PSIP1: variants seen among roughly 807,000 people sequenced by gnomAD.
PSIP1 encodes the protein PC4 and SRSF1 interacting protein 1, also known as PC4 and SFRS1-interacting protein.
A neutral mutation model predicts 74.7 loss-of-function variants in PSIP1; 19 were observed. That is an observed-to-expected ratio of 0.25 (90% confidence interval 0.18 to 0.37). The LOEUF (loss-of-function observed/expected upper bound fraction) is 0.37, where lower values mean the gene tolerates loss of function less well. PSIP1 is among the 10% of genes least tolerant of loss of function. The probability of loss-of-function intolerance (pLI) is 1.00; values close to 1 mark genes in which losing one functional copy is unlikely to be tolerated. For synonymous variants in PSIP1, 222 were observed against 195.3 expected (o/e 1.14, Z -1.14); for missense variants, 601 against 614.3 (o/e 0.98, Z 0.23).
In PSIP1 at chr9:15,464,950, C is replaced by T; in HGVS notation, c.*570G>A. 1 of 215,836 alleles carries T rather than the reference C, an allele frequency of 4.6e-6. No individual in the cohort carries two copies. Among genetic ancestry groups the T allele is most frequent in the Non-Finnish European group, 9.4e-6 (1 of 106,898 alleles). 13.4% of individuals were successfully genotyped at this position (215,836 alleles called of 1,614,324 possible). Reference sequence around the variant, plus strand: ...ATACCAAAAAAAACCATACAGAGCACACATTGTTCCAAAGAAGCTGGATAA... The same window carrying T: ...ATACCAAAAAAAACCATACAGAGCATACATTGTTCCAAAGAAGCTGGATAA... On this transcript the variant is annotated 3_prime_UTR_variant, in exon 16 of 16. Coordinates refer to ENST00000380733, the MANE Select transcript of PSIP1 (RefSeq NM_033222.5).
chr9:15,476,434 C>T, intron 8 of PSIP1, among the ~76,000 whole-genome samples: 1 of 152,110 alleles, frequency 6.6e-6, no homozygotes, highest in Admixed American at 6.6e-5. Context: ...AAATAGAATA[C>T]TGGTAGCGTG....
intron 12 of PSIP1, 86 bp from the exon 13 acceptor site, chr9:15,469,144 G>A (rs2035740110): frequency 1.5e-5 from 20 of 1,373,126 alleles, no homozygotes; most frequent in Non-Finnish European, 2.0e-5. Context: ...CAAAAAAAAA[G>A]AGGTAGTGCA....
chr9:15,471,318 A>G (rs1233729903), intron 10 of PSIP1: 2 of 1,566,198 alleles, frequency 1.3e-6, no homozygotes, highest in Non-Finnish European at 1.8e-6. Context: ...AAAACTGTCC[A>G]AGTACAAAGT....
At chr9:15,471,719 G>A in intron 10 of PSIP1, 20 of 964,758 alleles carry the variant, frequency 2.1e-5, no homozygotes, top group South Asian at 4.8e-5. Flanking sequence ...AGAGTAAAAC[G>A]CTGTACTTGT....
intron 3 of PSIP1, among the ~76,000 whole-genome samples, chr9:15,494,316 C>T (rs1424086303): frequency 1.3e-5 from 2 of 152,022 alleles, no homozygotes; most frequent in Admixed American, 1.3e-4. Flanking sequence ...CCTATAATCC[C>T]AGCACTTGGG....
At chr9:15,471,408 T>C (rs2035824032) in intron 10 of PSIP1, 5 of 1,493,584 alleles carry the variant, frequency 3.3e-6, no homozygotes, top group Non-Finnish European at 4.5e-6. Context: ...CAAAAGAAAC[T>C]GAAATACATA....
At chr9:15,496,225 T>C (rs934207790) in intron 3 of PSIP1, among the ~76,000 whole-genome samples, 2 of 152,192 alleles carry the variant, frequency 1.3e-5, no homozygotes, top group Non-Finnish European at 2.9e-5. Flanking sequence ...ATTTTAACCA[T>C]GTTGTTAGTG....
chr9:15,496,718 C>T (rs187271260), intron 3 of PSIP1, among the ~76,000 whole-genome samples: 1 of 152,028 alleles, frequency 6.6e-6, no homozygotes, highest in Admixed American at 6.6e-5. Context: ...CTTAATATAC[C>T]AAAAATTAAA....
intron 8 of PSIP1, among the ~76,000 whole-genome samples, chr9:15,476,179 CATGA>C (rs1292811335): frequency 6.6e-6 from 1 of 152,148 alleles, no homozygotes; most frequent in Non-Finnish European, 1.5e-5. Context: ...CTACGCACAG[CATGA>C]ATAAGAAATA....
chr9:15,508,496 T>C (rs1290122525), intron 2 of PSIP1, among the ~76,000 whole-genome samples: 1 of 152,238 alleles, frequency 6.6e-6, no homozygotes, highest in African/African-American at 2.4e-5. Flanking sequence ...TCAGTAGCAC[T>C]CTTAGTCACT....
Position 15,510,212 on chromosome 9 carries a change from C to G in PSIP1, c.-24G>C. ...ATGTTTCGGGGGCGAGACCGGGGGT[C>G]CGAAGCCCGGGAGGCGGCGAGGAGA... is the stretch of plus-strand genomic sequence containing the variant. On this transcript the variant is annotated 5_prime_UTR_variant, in exon 2 of 16. Coordinates refer to ENST00000380733, the MANE Select transcript of PSIP1 (RefSeq NM_033222.5). The G allele has an allele frequency of 6.3e-7, 1 of 1,596,874 alleles. No homozygotes were observed. Among genetic ancestry groups the G allele is most frequent in the Non-Finnish European group, 8.5e-7 (1 of 1,172,522 alleles).
intron 11 of PSIP1, 21 bp from the exon 12 acceptor site, chr9:15,469,357 AAAACAGT>A (rs765953603): frequency 6.8e-7 from 1 of 1,480,326 alleles, no homozygotes; most frequent in Non-Finnish European, 9.3e-7. Context: ...AAATATGTGA[AAAACAGT>A]GAACAGTTTT....
At chr9:15,503,266 C>T (rs2037427096) in intron 3 of PSIP1, among the ~76,000 whole-genome samples, 1 of 151,894 alleles carries the variant, frequency 6.6e-6, no homozygotes, top group African/African-American at 2.4e-5. Context: ...AGTTGGGAGG[C>T]TGAGGCAGAG....
intron 7 of PSIP1, among the ~76,000 whole-genome samples, chr9:15,479,304 CT>C (rs2036234586): frequency 6.6e-6 from 1 of 152,090 alleles, no homozygotes; most frequent in African/African-American, 2.4e-5. Flanking sequence ...TCTTACGACT[CT>C]TAAGTGAAAG....
At position 15,468,622 on chromosome 9, in the gene PSIP1, C is replaced by A; in HGVS notation, c.1420+8G>T. 2.5e-6 allele frequency: 4 copies of A among 1,613,172 alleles called. No homozygotes were observed. The highest frequency in any genetic ancestry group is 3.4e-6 in the Non-Finnish European group (4 of 1,179,236). ...CTGGTGTGAAATTGTTGGCTTTTTA[C>A]CACATACCTGTTTGTTCCTTCTCTA... On this transcript the variant is annotated splice_region_variant and intron_variant, in intron 14 of 15. Coordinates refer to ENST00000380733, the MANE Select transcript of PSIP1 (RefSeq NM_033222.5).
chr9:15,509,732 T>A (rs2037766939), intron 2 of PSIP1, among the ~76,000 whole-genome samples: 1 of 152,238 alleles, frequency 6.6e-6, no homozygotes, highest in South Asian at 2.1e-4. Context: ...GTGTGTAATC[T>A]GCACAAATTC....
chr9:15,492,624 T>G (rs189564127), intron 3 of PSIP1, among the ~76,000 whole-genome samples: 4 of 152,224 alleles, frequency 2.6e-5, no homozygotes, highest in South Asian at 4.2e-4. Context: ...GGACTCGGTG[T>G]CGGGGATGCA....
intron 3 of PSIP1, among the ~76,000 whole-genome samples, chr9:15,501,485 G>A (rs963130460): frequency 1.3e-5 from 2 of 151,948 alleles, no homozygotes; most frequent in African/African-American, 4.8e-5. Context: ...TCAAATATCC[G>A]AAGGCATAAC....
Position 15,479,389 on chromosome 9 carries a change from AAC to A in PSIP1, c.553+200_553+201del, listed in dbSNP as rs57487009. On this transcript the variant is annotated intron_variant, in intron 7 of 15. Transcript: ENST00000380733. The stretch of plus-strand genomic sequence containing the variant: ...TCTTACCACTATTTAGGGAAAACAT[AAC>A]AGAGATAAAGCAAAGTTTATTTCAA... Among the ~76,000 whole-genome samples the A allele has an allele frequency of 4.9e-3, 749 of 152,330 alleles. 3 individuals carry two copies. The highest frequency in any genetic ancestry group is 0.018 in the African/African-American group (737 of 41,584).
Sources: gnomAD v4.1 joint callset for allele counts (sites outside exome capture counted in the v4.1 genomes callset) on GRCh38, gnomAD v4.1.1 for gene constraint, MANE v1.5 for transcripts, NCBI Gene and HGNC (gene_info 2026-07-23, HGNC 2026-07-21) for gene names.